MGA: variants seen among roughly 807,000 people sequenced by gnomAD.
The protein encoded by MGA is MAX gene-associated protein.
MGA carries 40 observed loss-of-function variants against 261.1 expected under a neutral mutation model. The ratio of observed to expected loss-of-function variants is 0.15; its 90% confidence interval spans 0.12 to 0.20. The LOEUF is 0.20. Among genes scored for constraint, MGA ranks in the 10% least tolerant of loss-of-function variants. MGA has a pLI of 1.00. For missense variants in MGA, 3,397 were observed against 3,630.5 expected (o/e 0.94, Z 1.65); for synonymous variants, 1,302 against 1,290.6 (o/e 1.01, Z -0.19).
chr15:41,625,350 G>T (rs1049869630), intron 1 of MGA, among the ~76,000 whole-genome samples: 1 of 151,696 alleles, frequency 6.6e-6, no homozygotes, highest in Non-Finnish European at 1.5e-5. Context: ...TTAAGTTTAG[G>T]AGATCCAGTA....
chr15:41,691,177 G>C (rs1436317675), intron 2 of MGA, among the ~76,000 whole-genome samples: 1 of 151,766 alleles, frequency 6.6e-6, no homozygotes. Context: ...ATAAACGTGG[G>C]ATATTTTTCT....
At position 41,736,390 on chromosome 15, in the gene MGA, T is replaced by C. The variant is rs1296470929; in HGVS notation, c.4126T>C (p.Leu1376=). 9 of 1,613,886 alleles carry C rather than the reference T, an allele frequency of 5.6e-6. No homozygotes were observed. The Admixed American group carries it at 1.3e-4, about 24-fold the overall frequency. Reference sequence around the variant, plus strand: ...TAAGGTGGGCAGCTTCATCATTGAGTTGGCTTCTCAGCGAAAGAGCCGGGG... The same window carrying C: ...TAAGGTGGGCAGCTTCATCATTGAGCTGGCTTCTCAGCGAAAGAGCCGGGG... The change falls in exon 13 of 24, where the codon TTG becomes CTG. Residue 1376 remains leucine, a synonymous_variant. Transcript: ENST00000219905.
At chr15:41,661,626 C>G (rs1400832145) in intron 1 of MGA, among the ~76,000 whole-genome samples, 1 of 152,156 alleles carries the variant, frequency 6.6e-6, no homozygotes, top group Non-Finnish European at 1.5e-5. Flanking sequence ...TCCCAAGGTT[C>G]GCCTCGCCGG....
chr15:41,622,641 T>C (rs2056333391), intron 1 of MGA, among the ~76,000 whole-genome samples: 1 of 152,110 alleles, frequency 6.6e-6, no homozygotes, highest in African/African-American at 2.4e-5. Context: ...GATGGGGAAA[T>C]AGTATTTAAA....
chr15:41,726,719 ACT>A lies in MGA; in HGVS notation c.3431-458_3431-457del, dbSNP rs201353747. Among the ~76,000 whole-genome samples, 692 of 140,286 alleles carry A rather than the reference ACT, an allele frequency of 4.9e-3. 7 individuals are homozygous for A. Among genetic ancestry groups the A allele is most frequent in the African/African-American group, 0.017 (657 of 38,658 alleles). The allele number at this position is 140,286 out of a possible 152,430, so 92.0% of individuals were successfully genotyped here. A position where few individuals can be genotyped will look rare whatever the true frequency, so the allele number is the denominator to read the frequency against. ...ACTCCACCCTAGGTGACAGAACAAGACTCTGTCTCAAAAAAAAAAAAAAAAAT... is the reference window on the plus strand; with the variant it reads ...ACTCCACCCTAGGTGACAGAACAAGACTGTCTCAAAAAAAAAAAAAAAAAT... On this transcript the variant is annotated intron_variant, in intron 9 of 23. Coordinates refer to ENST00000219905, the MANE Select transcript of MGA (RefSeq NM_001164273.2).
intron 5 of MGA, among the ~76,000 whole-genome samples, chr15:41,702,830 C>T (rs914923996): frequency 3.9e-5 from 6 of 152,134 alleles, no homozygotes; most frequent in Non-Finnish European, 8.8e-5. Flanking sequence ...AAGCATTTCT[C>T]CTTCATTGCT....
chr15:41,679,690 A>G (rs1470677071), intron 2 of MGA, among the ~76,000 whole-genome samples: 1 of 151,776 alleles, frequency 6.6e-6, no homozygotes, highest in East Asian at 1.9e-4. Flanking sequence ...TGAATTGTTT[A>G]TTAAGTGAGT....
At chr15:41,749,062 G>T (rs765042485) in intron 16 of MGA, 49 bp from the exon 17 acceptor site, 2 of 1,564,458 alleles carry the variant, frequency 1.3e-6, no homozygotes, top group African/African-American at 2.7e-5. Flanking sequence ...TGGAAGTCTT[G>T]ATATGGGCAG....
intron 2 of MGA, among the ~76,000 whole-genome samples, chr15:41,677,753 A>G (rs1347800478): frequency 6.6e-6 from 1 of 152,202 alleles, no homozygotes; most frequent in Non-Finnish European, 1.5e-5. Context: ...ATGTTTATTC[A>G]AGTGCTTTGC....
At chr15:41,716,379 G>A (rs1247068345) in intron 9 of MGA, among the ~76,000 whole-genome samples, 1 of 152,016 alleles carries the variant, frequency 6.6e-6, no homozygotes, top group Non-Finnish European at 1.5e-5. Flanking sequence ...GTGTGAACCC[G>A]GGAGGCAGAG....
At chr15:41,715,726 G>A (rs2060600117) in intron 9 of MGA, among the ~76,000 whole-genome samples, 1 of 152,054 alleles carries the variant, frequency 6.6e-6, no homozygotes, top group African/African-American at 2.4e-5. Context: ...CAGTGCCAGG[G>A]TATTCTTATT....
rs1308503157 is a variant in MGA at position 41,749,196 on chromosome 15, C to G, written c.5589C>G (p.Val1863=). The G allele has an allele frequency of 1.9e-6, 3 of 1,614,016 alleles. No individual in the cohort carries two copies. The highest frequency in any genetic ancestry group is 2.5e-6 in the Non-Finnish European group (3 of 1,179,898). Residue 1863 remains valine (V), a synonymous_variant, in exon 17 of 24, where the codon GTC becomes GTG. Transcript: ENST00000219905. ...CCACTTCGTCCTCTGCTTTCTCTGT[C>G]ATGAATCCTGTAATTCAAGCTGTTG...
chr15:41,730,986 A>G (rs780967794), intron 11 of MGA, among the ~76,000 whole-genome samples: 3 of 152,216 alleles, frequency 2.0e-5, no homozygotes, highest in Non-Finnish European at 4.4e-5. Flanking sequence ...GAATGATGTT[A>G]TCTTTAAGTG....
chr15:41,743,169 C>A lies in MGA; in HGVS notation c.5209C>A (p.Pro1737Thr), dbSNP rs373715944. ...TGGGAGTCCACCAGTGAGCCAGAGA[C>A]CAGGTAAGGCCTAGATGTTACTAGC... The change falls in exon 15 of 24, where the codon CCA becomes ACA. Residue 1737 changes from proline to threonine, a missense_variant. Physicochemically the swap from Pro to Thr is conservative, Grantham distance 38. Around this residue, in one of 9 missense-constraint regions of MGA, gnomAD observed 1,410 missense variants for 1,386.4 expected, o/e 1.02. Transcript: ENST00000219905. 15 of 1,605,616 alleles carry A rather than the reference C, an allele frequency of 9.3e-6. No individual in the cohort carries two copies. Among genetic ancestry groups the A allele is most frequent in the Non-Finnish European group, 1.2e-5 (14 of 1,175,308 alleles).
rs1298655637 is a variant in MGA, at chr15:41,711,134, C to T, written c.2869C>T (p.Pro957Ser). The T allele has an allele frequency of 6.2e-6, 10 of 1,613,990 alleles. No individual in the cohort carries two copies. Among genetic ancestry groups the T allele is most frequent in the Non-Finnish European group, 8.5e-6 (10 of 1,179,896 alleles). The change falls in exon 8 of 24, where the codon CCA becomes TCA. Residue 957 changes from proline to serine, a missense_variant. Coordinates refer to ENST00000219905, the MANE Select transcript of MGA (RefSeq NM_001164273.2). ...AAATCAGGCGAATAACTTTGTTGTGCCAACTTTGGATGAAAATATATTTCC... is the reference window on the plus strand; with the variant it reads ...AAATCAGGCGAATAACTTTGTTGTGTCAACTTTGGATGAAAATATATTTCC...
chr15:41,747,290 TAAA>T (rs2062558791), intron 15 of MGA, among the ~76,000 whole-genome samples: 1 of 152,214 alleles, frequency 6.6e-6, no homozygotes, highest in Admixed American at 6.5e-5. Context: ...TAGTGAATTT[TAAA>T]AACCAAAAGC....
chr15:41,698,210 A>AC (rs2059646212), intron 3 of MGA, among the ~76,000 whole-genome samples: 1 of 90,516 alleles, frequency 1.1e-5, no homozygotes, highest in Non-Finnish European at 2.1e-5. Flanking sequence ...TTGCTCTGTC[A>AC]CCAGCTGGAG....
At chr15:41,742,523 G>T in intron 14 of MGA, 23 bp from the exon 15 acceptor site, 1 of 1,601,356 alleles carries the variant, frequency 6.2e-7, no homozygotes, top group South Asian at 1.1e-5. Flanking sequence ...GAAGATTTTT[G>T]ACCTGCAAAT....
At chr15:41,651,243 C>T (rs942245323) in intron 1 of MGA, among the ~76,000 whole-genome samples, 1 of 152,160 alleles carries the variant, frequency 6.6e-6, no homozygotes, top group African/African-American at 2.4e-5. Context: ...AATTAAGTTT[C>T]CAATGCAGGA....
Sources: allele counts gnomAD v4.1 joint callset (sites outside exome capture counted in the v4.1 genomes callset), GRCh38; gene constraint gnomAD v4.1.1; regional missense constraint gnomAD v4.1.1; transcripts MANE v1.5; gene names NCBI Gene and HGNC (gene_info 2026-07-23, HGNC 2026-07-21).